WNK1: variants seen among roughly 807,000 people sequenced by gnomAD.
WNK1 encodes the protein WNK lysine deficient protein kinase 1, also known as serine/threonine-protein kinase WNK1.
In WNK1, 38 loss-of-function variants were observed where a neutral mutation model predicts 222.8. That is an observed-to-expected ratio of 0.17 (90% confidence interval 0.13 to 0.22). The LOEUF is 0.22. Ranked by LOEUF, WNK1 falls within the 10% of genes least tolerant of loss-of-function variation. WNK1 has a pLI of 1.00. For synonymous variants in WNK1, 1,090 were observed against 1,092.9 expected (o/e 1.00, Z 0.05); for missense variants, 2,348 against 2,918.4 (o/e 0.80, Z 4.50).
At chr12:848,374 A>T (rs1429028430) in intron 4 of WNK1, among the ~76,000 whole-genome samples, 2 of 152,110 alleles carry the variant, frequency 1.3e-5, no homozygotes, top group African/African-American at 2.4e-5. Context: ...GAATGGAAAT[A>T]TGAGGCCCAT....
chr12:769,177 C>A (rs1003455119), intron 1 of WNK1, among the ~76,000 whole-genome samples: 15 of 152,096 alleles, frequency 9.9e-5, no homozygotes, highest in African/African-American at 3.1e-4. Flanking sequence ...AACAGTTGTC[C>A]CAGATTTGGC....
chr12:796,025 A>G (rs1945284372), intron 1 of WNK1, among the ~76,000 whole-genome samples: 1 of 151,920 alleles, frequency 6.6e-6, no homozygotes, highest in Admixed American at 6.6e-5. Flanking sequence ...GTAGCCCTCC[A>G]CCATGCCCAG....
In WNK1 at chr12:909,117, T is replaced by G. The variant is rs1592283848; in HGVS notation, c.*325T>G. 1 of 336,914 alleles carries G rather than the reference T, an allele frequency of 3.0e-6. No homozygotes were observed. The highest frequency in any genetic ancestry group is 6.8e-5 in the East Asian group (1 of 14,628). The allele number at this position is 336,914 out of a possible 1,614,324, so 20.9% of individuals were successfully genotyped here. On this transcript the variant is annotated 3_prime_UTR_variant, in exon 28 of 28. Coordinates refer to ENST00000315939, the MANE Select transcript of WNK1 (RefSeq NM_018979.4). ...CATAAGGAAGCTGGAGAACTCAATG[T>G]AAAATCAAACCCATCTGTAATTTCG... is the stretch of plus-strand genomic sequence containing the variant.
At chr12:857,525 A>G (rs1565528378) in intron 5 of WNK1, among the ~76,000 whole-genome samples, 1 of 152,372 alleles carries the variant, frequency 6.6e-6, no homozygotes, top group East Asian at 1.9e-4. Flanking sequence ...AAACATCAGC[A>G]TGATTTATAA....
intron 4 of WNK1, among the ~76,000 whole-genome samples, chr12:841,942 A>G (rs949154274): frequency 1.3e-5 from 2 of 152,194 alleles, no homozygotes; most frequent in Non-Finnish European, 2.9e-5. Flanking sequence ...ATTTCAACAT[A>G]AAAATTTTAG....
rs1951528955 is a variant in WNK1, at chr12:865,090, T to C, written c.2139+2820T>C. On this transcript the variant is annotated intron_variant, in intron 8 of 27. Transcript: ENST00000315939. ...TTCACAGTACTGTGTTTTTCATGTGTGTGTTTGTTTTGTGTTGAGCCTCGT... is the reference window on the plus strand; with the variant it reads ...TTCACAGTACTGTGTTTTTCATGTGCGTGTTTGTTTTGTGTTGAGCCTCGT... 1 of 1,493,680 alleles carries C rather than the reference T, an allele frequency of 6.7e-7. No individual in the cohort carries two copies. 92.5% of individuals were successfully genotyped at this position (1,493,680 alleles called of 1,614,324 possible). A position where few individuals can be genotyped will look rare whatever the true frequency, so the allele number is the denominator to read the frequency against.
intron 1 of WNK1, among the ~76,000 whole-genome samples, chr12:758,285 T>G (rs1038629158): frequency 1.4e-5 from 2 of 145,568 alleles, no homozygotes; most frequent in Admixed American, 1.4e-4. Flanking sequence ...TACATGACAT[T>G]AATATTTTGT....
chr12:800,032 T>C (rs1364970678), intron 1 of WNK1, among the ~76,000 whole-genome samples: 4 of 152,092 alleles, frequency 2.6e-5, no homozygotes, highest in Non-Finnish European at 2.9e-5. Context: ...TAGTCCCAGC[T>C]ACTTGGGAGG....
intron 2 of WNK1, among the ~76,000 whole-genome samples, chr12:820,965 T>C (rs1947815746): frequency 6.6e-6 from 1 of 152,034 alleles, no homozygotes; most frequent in African/African-American, 2.4e-5. Flanking sequence ...ATTGAGTATA[T>C]GTTAGCTGTG....
At chr12:783,689 C>T (rs12826119) in intron 1 of WNK1, among the ~76,000 whole-genome samples, 12 of 18,314 alleles carry the variant, frequency 6.6e-4, no homozygotes, top group Admixed American at 1.2e-3. Context: ...TCCCAGCTAC[C>T]TGGGAGGCTG....
At chr12:816,867 T>A (rs1355171916) in intron 2 of WNK1, among the ~76,000 whole-genome samples, 2 of 151,986 alleles carry the variant, frequency 1.3e-5, no homozygotes, top group African/African-American at 4.8e-5. Context: ...CATGGACAAG[T>A]CTGAAAGTGA....
intron 1 of WNK1, among the ~76,000 whole-genome samples, chr12:773,301 G>C (rs558381964): frequency 6.6e-6 from 1 of 151,760 alleles, no homozygotes; most frequent in Non-Finnish European, 1.5e-5. Context: ...TTCGTATATT[G>C]ACTAAGCTAT....
rs756270744 is a variant in WNK1 at position 881,762 on chromosome 12, C to T, written c.3182C>T (p.Pro1061Leu). The change falls in exon 13 of 28, where the codon CCG becomes CTG. Residue 1061 changes from proline (P) to leucine (L), a missense_variant. Transcript: ENST00000315939. ...VAVAQTQATQ[P>L]TTLASSVDSA... ...GTAGCACAGACCCAAGCTACCCAGCCGACCACTTTGGCTTCCTCTGTAGAC... is the reference window on the plus strand; with the variant it reads ...GTAGCACAGACCCAAGCTACCCAGCTGACCACTTTGGCTTCCTCTGTAGAC... The T allele has an allele frequency of 3.6e-5, 58 of 1,614,054 alleles. No homozygotes were observed. Among genetic ancestry groups the T allele is most frequent in the Non-Finnish European group, 4.5e-5 (53 of 1,180,038 alleles).
chr12:832,917 A>G (rs1948906834), intron 4 of WNK1, among the ~76,000 whole-genome samples: 1 of 152,182 alleles, frequency 6.6e-6, no homozygotes, highest in African/African-American at 2.4e-5. Flanking sequence ...TAGAAAGCTC[A>G]TCTGCTTTGC....
intron 1 of WNK1, among the ~76,000 whole-genome samples, chr12:794,796 G>A (rs1157508586): frequency 1.3e-5 from 2 of 152,054 alleles, no homozygotes; most frequent in Non-Finnish European, 2.9e-5. Flanking sequence ...CTGTCATCTT[G>A]GCTGGAGTGC....
intron 10 of WNK1, 58 bp from the exon 11 acceptor site, chr12:879,512 GCTT>G (rs1952940430): frequency 1.8e-5 from 13 of 735,646 alleles, no homozygotes; most frequent in East Asian, 8.3e-5. Flanking sequence ...TGGCAGCCTT[GCTT>G]TTTTTTTTTT....
intron 10 of WNK1, 145 bp from the exon 11 acceptor site, chr12:879,428 G>A (rs1780826099): frequency 1.5e-6 from 1 of 676,986 alleles, no homozygotes; most frequent in Non-Finnish European, 2.5e-6. Context: ...AATGTATGCA[G>A]GGTTTTGTTG....
chr12:832,994 C>A (rs1381369147), intron 4 of WNK1, among the ~76,000 whole-genome samples: 1 of 151,676 alleles, frequency 6.6e-6, no homozygotes, highest in African/African-American at 2.4e-5. Flanking sequence ...TCCCCTGATG[C>A]GTTGTAATTT....
At chr12:857,086 A>T in intron 4 of WNK1, 75 bp from the exon 5 acceptor site, 1 of 1,477,370 alleles carries the variant, frequency 6.8e-7, no homozygotes, top group South Asian at 1.2e-5. Flanking sequence ...ACCTAAAAGA[A>T]CCTTAATTGG....
Sources: allele counts gnomAD v4.1 joint callset (sites outside exome capture counted in the v4.1 genomes callset), GRCh38; gene constraint gnomAD v4.1.1; transcripts MANE v1.5; gene names NCBI Gene and HGNC (gene_info 2026-07-23, HGNC 2026-07-21).